MERTK: variants seen among roughly 807,000 people sequenced by gnomAD.
MERTK encodes the protein MER proto-oncogene, tyrosine kinase, also known as tyrosine-protein kinase Mer.
Under a neutral mutation model 99.3 loss-of-function variants are expected in MERTK, and 69 were observed. The observed-to-expected ratio is 0.70, with a 90% CI of 0.57 to 0.85. The LOEUF is 0.85. Ranked by LOEUF, MERTK falls within the 40% of genes least tolerant of loss-of-function variation. The pLI, the probability that MERTK is intolerant of heterozygous loss-of-function variation, is 0.00. For missense variants in MERTK, 1,125 were observed against 1,249.4 expected (o/e 0.90, Z 1.50); for synonymous variants, 426 against 467.6 (o/e 0.91, Z 1.15).
chr2:112,020,237 C>T (rs759703361), intron 16 of MERTK, among the ~76,000 whole-genome samples: 2 of 152,182 alleles, frequency 1.3e-5, no homozygotes, highest in Non-Finnish European at 2.9e-5. Flanking sequence ...TTTGAAAACA[C>T]TAAAGGGGTT....
intron 1 of MERTK, among the ~76,000 whole-genome samples, chr2:111,926,102 A>G (rs1451272973): frequency 6.6e-6 from 1 of 152,080 alleles, no homozygotes; most frequent in African/African-American, 2.4e-5. Flanking sequence ...AAGTGCTGGG[A>G]TTACAGGCGT....
chr2:111,987,098 A>G (rs546530324), intron 8 of MERTK, among the ~76,000 whole-genome samples: 68 of 152,336 alleles, frequency 4.5e-4, no homozygotes, highest in Middle Eastern at 3.4e-3. Flanking sequence ...TAGATAACTG[A>G]TACTAAAGCT....
At chr2:111,911,208 T>TA (rs1331164362) in intron 1 of MERTK, among the ~76,000 whole-genome samples, 2 of 152,144 alleles carry the variant, frequency 1.3e-5, no homozygotes, top group Non-Finnish European at 2.9e-5. Context: ...GCTTACCACA[T>TA]ACATGTTATA....
chr2:112,026,767 ATT>A (rs1293739737), intron 18 of MERTK, among the ~76,000 whole-genome samples: 2 of 152,238 alleles, frequency 1.3e-5, no homozygotes, highest in Non-Finnish European at 2.9e-5. Flanking sequence ...ATGAAAAGAT[ATT>A]ATTATACATC....
At chr2:112,023,126 A>G (rs1455225963) in intron 18 of MERTK, among the ~76,000 whole-genome samples, 1 of 152,074 alleles carries the variant, frequency 6.6e-6, no homozygotes, top group Non-Finnish European at 1.5e-5. Flanking sequence ...AAAAAATAAT[A>G]AAATAAGGCC....
chr2:111,955,970 G>A (rs920928729), intron 4 of MERTK, among the ~76,000 whole-genome samples: 1 of 139,186 alleles, frequency 7.2e-6, no homozygotes, highest in African/African-American at 2.6e-5. Context: ...GCCTGTCATA[G>A]GGTGAGGGGA....
At chr2:111,991,515 C>T (rs1390545089) in intron 8 of MERTK, among the ~76,000 whole-genome samples, 1 of 152,036 alleles carries the variant, frequency 6.6e-6, no homozygotes, top group African/African-American at 2.4e-5. Flanking sequence ...TGTGAGCCAC[C>T]TCGCCCAGCC....
In MERTK at chr2:112,029,495, T is replaced by C; in HGVS notation, c.*631T>C. On this transcript the variant is annotated 3_prime_UTR_variant, in exon 19 of 19. Coordinates refer to ENST00000295408, the MANE Select transcript of MERTK (RefSeq NM_006343.3). The stretch of plus-strand genomic sequence containing the variant: ...TCTGACCATTCTTGGCATTGCTTTA[T>C]AGAGATATGGAAAAACCACACCAGG... 4.1e-6 allele frequency: 1 copy of C among 245,992 alleles called. No individual in the cohort carries two copies. Among genetic ancestry groups the C allele is most frequent in the Non-Finnish European group, 6.5e-6 (1 of 153,872 alleles). 15.2% of individuals were successfully genotyped at this position (245,992 alleles called of 1,614,324 possible). A position where few individuals can be genotyped will look rare whatever the true frequency, so the allele number is the denominator to read the frequency against.
intron 8 of MERTK, among the ~76,000 whole-genome samples, chr2:111,987,353 G>A (rs781281498): frequency 6.6e-6 from 1 of 152,174 alleles, no homozygotes; most frequent in African/African-American, 2.4e-5. Context: ...TATCTCAAAC[G>A]ATGATACCTA....
Position 112,011,257 on chromosome 2 carries a change from G to C in MERTK, c.2079+1191G>C, listed in dbSNP as rs960432428. The stretch of plus-strand genomic sequence containing the variant: ...GAAAGTGCAAGGAAATTAGTTCTTA[G>C]GGACCATGAAAACTCACTCCCACTG... On this transcript the variant is annotated intron_variant, in intron 15 of 18. Coordinates refer to ENST00000295408, the MANE Select transcript of MERTK (RefSeq NM_006343.3). Among the ~76,000 whole-genome samples the C allele has an allele frequency of 3.3e-5, 5 of 152,262 alleles. No individual in the cohort carries two copies. In the East Asian group the frequency reaches 5.8e-4, roughly 18 times the overall value.
At chr2:111,939,188 C>CTTCT (rs1203862037) in intron 2 of MERTK, among the ~76,000 whole-genome samples, 2 of 152,186 alleles carry the variant, frequency 1.3e-5, no homozygotes, top group African/African-American at 4.8e-5. Context: ...TGATGCGACT[C>CTTCT]TGCGGGGTCC....
At chr2:111,928,897 G>A (rs1319055689) in intron 1 of MERTK, among the ~76,000 whole-genome samples, 2 of 152,120 alleles carry the variant, frequency 1.3e-5, no homozygotes, top group East Asian at 3.9e-4. Flanking sequence ...TTTTTGGTGG[G>A]GGTGGTTACA....
chr2:111,944,516 C>T (rs1684924519), intron 2 of MERTK, among the ~76,000 whole-genome samples: 2 of 152,304 alleles, frequency 1.3e-5, no homozygotes, highest in Admixed American at 6.5e-5. Context: ...AAAATAATTC[C>T]TCTGTTTTAA....
chr2:111,949,930 A>C (rs369817128), intron 4 of MERTK, among the ~76,000 whole-genome samples: 1 of 152,068 alleles, frequency 6.6e-6, no homozygotes, highest in East Asian at 1.9e-4. Flanking sequence ...TCACTAGTAC[A>C]TCATCTTTAT....
At chr2:111,913,139 G>A (rs1444952954) in intron 1 of MERTK, 1 of 926,274 alleles carries the variant, frequency 1.1e-6, no homozygotes, top group Non-Finnish European at 1.3e-6. Flanking sequence ...TTGTAACATT[G>A]CTTAAAGGAC....
rs142307205 is a variant in MERTK, at chr2:111,990,965, G to A, written c.1297-3286G>A. On this transcript the variant is annotated intron_variant, in intron 8 of 18. Transcript: ENST00000295408. ...TTGAGATGATTCTCTCATAAGTGAG[G>A]TATCATATTTGAGCCTGCAGCCAGA... 5.4e-3 allele frequency among the ~76,000 whole-genome samples: 829 copies of A among 152,262 alleles called. 9 individuals carry two copies. Among genetic ancestry groups the A allele is most frequent in the African/African-American group, 0.019 (800 of 41,524 alleles).
intron 1 of MERTK, among the ~76,000 whole-genome samples, chr2:111,921,502 CAAAA>C (rs57283084): frequency 3.6e-5 from 5 of 137,954 alleles, no homozygotes; most frequent in Non-Finnish European, 4.7e-5. Context: ...GACGCGATCT[CAAAA>C]AAAAAAAAAA....
chr2:111,924,420 C>T (rs960284342), intron 1 of MERTK, among the ~76,000 whole-genome samples: 2 of 152,158 alleles, frequency 1.3e-5, no homozygotes, highest in African/African-American at 4.8e-5. Flanking sequence ...GACTGACTTT[C>T]CTTTGTGGAA....
intron 4 of MERTK, among the ~76,000 whole-genome samples, chr2:111,957,445 TCAAGGAA>T (rs2104714247): frequency 6.6e-6 from 1 of 152,234 alleles, no homozygotes; most frequent in East Asian, 1.9e-4. Flanking sequence ...AGGCCATTTC[TCAAGGAA>T]CCACCTCTGA....
Sources: allele counts gnomAD v4.1 joint callset (sites outside exome capture counted in the v4.1 genomes callset), GRCh38; gene constraint gnomAD v4.1.1; transcripts MANE v1.5; gene names NCBI Gene and HGNC (gene_info 2026-07-23, HGNC 2026-07-21).